ACTA2: variants seen among roughly 807,000 people sequenced by gnomAD.
The protein encoded by ACTA2 is actin, aortic smooth muscle.
ACTA2 carries 12 observed loss-of-function variants against 39.5 expected under a neutral mutation model. That is an observed-to-expected ratio of 0.30 (90% CI 0.19 to 0.49). The LOEUF is 0.49. ACTA2 is among the 20% of genes least tolerant of loss of function. The pLI is 0.99. For missense variants in ACTA2, 236 were observed against 498.8 expected (o/e 0.47, Z 5.02); for synonymous variants, 158 against 180.6 (o/e 0.88, Z 1.00).
At chr10:88,989,153 A>G (rs1393137918) in intron 1 of ACTA2, among the ~76,000 whole-genome samples, 2 of 152,112 alleles carry the variant, frequency 1.3e-5, no homozygotes, top group Non-Finnish European at 2.9e-5. Flanking sequence ...CACTCATCTC[A>G]CTGGGCTATA....
intron 1 of ACTA2, among the ~76,000 whole-genome samples, chr10:88,958,368 T>C (rs1360221364): frequency 6.6e-6 from 1 of 152,230 alleles, no homozygotes; most frequent in Admixed American, 6.5e-5. Flanking sequence ...CTATTTGCTC[T>C]ACATACATAA....
intron 1 of ACTA2, among the ~76,000 whole-genome samples, chr10:88,985,276 G>A (rs1846842864): frequency 6.6e-6 from 1 of 152,168 alleles, no homozygotes; most frequent in African/African-American, 2.4e-5. Context: ...TAGGGACTCT[G>A]TCCTTCATAG....
At chr10:88,964,695 TG>T (rs1270587010) in intron 1 of ACTA2, among the ~76,000 whole-genome samples, 1 of 152,178 alleles carries the variant, frequency 6.6e-6, no homozygotes, top group African/African-American at 2.4e-5. Context: ...ATAATCCTTA[TG>T]CCAGAGAGGC....
intron 1 of ACTA2, among the ~76,000 whole-genome samples, chr10:88,968,984 G>A (rs762310423): frequency 2.6e-5 from 4 of 151,032 alleles, no homozygotes; most frequent in Non-Finnish European, 5.9e-5. Context: ...CCCCCACCCC[G>A]CAATACTACA....
chr10:88,940,102 T>A (rs774661194), intron 6 of ACTA2: 22 of 270,524 alleles, frequency 8.1e-5, no homozygotes, highest in Non-Finnish European at 1.4e-4. Flanking sequence ...CAGGATATCT[T>A]ATGCTGAATC....
chr10:88,950,008 G>A (rs1392038609), intron 1 of ACTA2, among the ~76,000 whole-genome samples: 1 of 152,012 alleles, frequency 6.6e-6, no homozygotes, highest in Admixed American at 6.6e-5. Flanking sequence ...AGAAAGGCTG[G>A]AGCAGCCTAT....
rs945084483 is a variant in ACTA2 at position 88,990,509 on chromosome 10, C to T, written c.-24+430G>A. The T allele has an allele frequency of 1.4e-4, 81 of 589,760 alleles. No individual in the cohort carries two copies. In the Admixed American group the frequency reaches 1.7e-3, roughly 12 times the overall value. The allele number at this position is 589,760 out of a possible 1,614,324, so 36.5% of individuals were successfully genotyped here. On this transcript the variant is annotated intron_variant, in intron 1 of 4. Transcript: ENST00000415557. This position sits in a 1 kb window ranked among gnomAD's most constrained non-coding sequence, Gnocchi z 4.9. ...TTGTGCAACGAACCCTGACTCCTTC[C>T]TCACCCTGACTTCTCCCCCTCCCTA...
chr10:88,979,996 G>A (rs182020820), intron 1 of ACTA2, among the ~76,000 whole-genome samples: 32 of 152,298 alleles, frequency 2.1e-4, no homozygotes, highest in Admixed American at 1.5e-3. Flanking sequence ...AAAAGGCAAC[G>A]CTAATTTGCA....
Position 88,935,078 on chromosome 10 carries a change from C to T in ACTA2, c.*145G>A. On this transcript the variant is annotated 3_prime_UTR_variant, in exon 9 of 9. Coordinates refer to ENST00000224784, the MANE Select transcript of ACTA2 (RefSeq NM_001613.4). ...ATCGGAGGCCAACGCAAGAAGTTAC[C>T]AGTAGCCTATTTCAGATTTATTAAA... 8.4e-7 allele frequency: 1 copy of T among 1,189,238 alleles called. No individual in the cohort carries two copies. The highest frequency in any genetic ancestry group is 2.5e-5 in the East Asian group (1 of 40,574). 73.7% of individuals were successfully genotyped at this position (1,189,238 alleles called of 1,614,324 possible). A position where few individuals can be genotyped will look rare whatever the true frequency, so the allele number is the denominator to read the frequency against.
intron 7 of ACTA2, among the ~76,000 whole-genome samples, chr10:88,938,999 T>C (rs1845798985): frequency 6.6e-6 from 1 of 152,176 alleles, no homozygotes; most frequent in African/African-American, 2.4e-5. Context: ...CTCCGCTTTA[T>C]ACATGAGGAG....
upstream of ACTA2, among the ~76,000 whole-genome samples, chr10:88,956,237 G>A (rs989636823): frequency 6.6e-6 from 1 of 152,178 alleles, no homozygotes. Flanking sequence ...AATTCTTGAG[G>A]TCAGAAGTCC....
chr10:88,979,344 G>A (rs1480672212), intron 1 of ACTA2, among the ~76,000 whole-genome samples: 1 of 152,148 alleles, frequency 6.6e-6, no homozygotes, highest in Non-Finnish European at 1.5e-5. Flanking sequence ...AGGAAGGGAA[G>A]ACTTGTGGCT....
rs1443743381 is a variant in ACTA2 at position 88,941,296 on chromosome 10, A to G, written c.549T>C (p.Ala183=). Residue 183 remains alanine, a synonymous_variant, in exon 6 of 9, where the codon GCT becomes GCC. Transcript: ENST00000224784. The part of the protein sequence containing the change: ...LPHAIMRLDL[A]GRDLTDYLMK... ...TGAGGTAGTCAGTGAGATCTCGGCC[A>G]GCCAGATCCAGACGCATGATGGCAT... 1 of 1,608,116 alleles carries G rather than the reference A, an allele frequency of 6.2e-7. No individual in the cohort carries two copies.
At chr10:88,977,179 T>C (rs568284486) in intron 1 of ACTA2, among the ~76,000 whole-genome samples, 1 of 152,026 alleles carries the variant, frequency 6.6e-6, no homozygotes, top group South Asian at 2.1e-4. Context: ...TAGATCCCAT[T>C]TGTCAATTTT....
At chr10:88,988,424 T>G (rs966420699) in intron 1 of ACTA2, among the ~76,000 whole-genome samples, 9 of 8,446 alleles carry the variant, frequency 1.1e-3, no homozygotes, top group African/African-American at 9.9e-3. Flanking sequence ...AAGTTTTTTT[T>G]TTTTTTTGTT....
At chr10:88,944,339 C>G (rs1410400756) in intron 3 of ACTA2, among the ~76,000 whole-genome samples, 2 of 152,108 alleles carry the variant, frequency 1.3e-5, no homozygotes, top group Non-Finnish European at 2.9e-5. Context: ...AATAAGGTAA[C>G]CCTCGAGTTA....
At chr10:88,985,645 C>T (rs942839540) in intron 1 of ACTA2, among the ~76,000 whole-genome samples, 1 of 152,180 alleles carries the variant, frequency 6.6e-6, no homozygotes, top group African/African-American at 2.4e-5. Flanking sequence ...GGTAAAGAGT[C>T]CCCCACCCCC....
intron 1 of ACTA2, among the ~76,000 whole-genome samples, chr10:88,977,153 A>C (rs1327085117): frequency 6.6e-6 from 1 of 151,898 alleles, no homozygotes; most frequent in Non-Finnish European, 1.5e-5. Context: ...GCTGTGCAGA[A>C]GCTCTGTAGT....
chr10:88,967,886 A>C (rs553558038), intron 1 of ACTA2, among the ~76,000 whole-genome samples: 1 of 152,342 alleles, frequency 6.6e-6, no homozygotes, highest in African/African-American at 2.4e-5. Flanking sequence ...ACTTGAAATA[A>C]ATATGAATTT....
Sources: allele counts gnomAD v4.1 joint callset (sites outside exome capture counted in the v4.1 genomes callset), GRCh38; gene constraint gnomAD v4.1.1; non-coding constraint Gnocchi (gnomAD v3.1); transcripts MANE v1.5; gene names NCBI Gene and HGNC (gene_info 2026-07-23, HGNC 2026-07-21).